The following RORB variants were observed in gnomAD, a reference collection of about 807,000 sequenced individuals.
RORB encodes the protein RAR related orphan receptor B, also known as nuclear receptor ROR-beta.
In RORB, 6 loss-of-function variants were observed where a neutral mutation model predicts 59.1. That is an observed-to-expected ratio of 0.10 (90% confidence interval 0.06 to 0.20). The LOEUF (loss-of-function observed/expected upper bound fraction) is 0.20. RORB is among the 10% of genes least tolerant of loss of function. The pLI is 1.00. For missense variants in RORB, 320 were observed against 560.5 expected (o/e 0.57, Z 4.33); for synonymous variants, 215 against 204.5 (o/e 1.05, Z -0.44).
At chr9:74,627,453 T>C (rs1823539067) in intron 1 of RORB, among the ~76,000 whole-genome samples, 1 of 152,206 alleles carries the variant, frequency 6.6e-6, no homozygotes, top group South Asian at 2.1e-4. Context: ...TGAGTCTGGA[T>C]TATAAATATG....
intron 1 of RORB, among the ~76,000 whole-genome samples, chr9:74,556,842 A>T (rs371995163): frequency 6.6e-6 from 1 of 152,106 alleles, no homozygotes; most frequent in East Asian, 1.9e-4. Flanking sequence ...TTTTCACACC[A>T]TCCTGCTATT....
At chr9:74,624,760 T>G (rs1823483086) in intron 1 of RORB, among the ~76,000 whole-genome samples, 1 of 152,106 alleles carries the variant, frequency 6.6e-6, no homozygotes, top group Non-Finnish European at 1.5e-5. Context: ...GAGATACAAT[T>G]TGGGTAGATG....
chr9:74,627,572 G>A (rs984969954), intron 1 of RORB, among the ~76,000 whole-genome samples: 1 of 152,046 alleles, frequency 6.6e-6, no homozygotes, highest in African/African-American at 2.4e-5. Flanking sequence ...ACCCCAGGGG[G>A]CAAATTATCT....
intron 1 of RORB, among the ~76,000 whole-genome samples, chr9:74,556,120 T>A (rs776162217): frequency 1.3e-5 from 2 of 152,342 alleles, no homozygotes; most frequent in Non-Finnish European, 1.5e-5. Context: ...TATAACATAA[T>A]TATTGTTAGA....
chr9:74,527,370 C>T, intron 1 of RORB, among the ~76,000 whole-genome samples: 1 of 151,870 alleles, frequency 6.6e-6, no homozygotes, highest in Non-Finnish European at 1.5e-5. Flanking sequence ...ATCAAGCAGA[C>T]AGAAAAGAGA....
intron 1 of RORB, among the ~76,000 whole-genome samples, chr9:74,592,042 T>C (rs1478176425): frequency 6.6e-6 from 1 of 152,090 alleles, no homozygotes; most frequent in African/African-American, 2.4e-5. Context: ...TTTCGCAAAA[T>C]AGGAAGTAGA....
intron 1 of RORB, among the ~76,000 whole-genome samples, chr9:74,623,357 A>C (rs1345799448): frequency 6.6e-6 from 1 of 152,100 alleles, no homozygotes; most frequent in Non-Finnish European, 1.5e-5. Context: ...ACTGGGTGTT[A>C]ATTACAGTAA....
In RORB at chr9:74,583,320, G is replaced by A. The variant is rs115259497; in HGVS notation, c.8-46962G>A. On this transcript the variant is annotated intron_variant, in intron 1 of 9. Coordinates refer to ENST00000376896, the MANE Select transcript of RORB (RefSeq NM_006914.4). ...GCACATGCCCCCAAGCACCTTCTCC[G>A]AACACCCAAACATTTCCCACAGAAA... 9.1e-3 allele frequency among the ~76,000 whole-genome samples: 1,383 copies of A among 152,122 alleles called. 13 individuals carry two copies. The highest frequency in any genetic ancestry group is 0.027 in the African/African-American group (1,114 of 41,490).
chr9:74,655,682 G>A (rs1486720539), intron 4 of RORB, among the ~76,000 whole-genome samples: 5 of 152,054 alleles, frequency 3.3e-5, no homozygotes, highest in Non-Finnish European at 7.3e-5. Context: ...TCTCTCCTTT[G>A]GCCTTTCTTT....
At chr9:74,514,152 G>T (rs1825978773) in intron 1 of RORB, among the ~76,000 whole-genome samples, 1 of 152,058 alleles carries the variant, frequency 6.6e-6, no homozygotes, top group African/African-American at 2.4e-5. Flanking sequence ...AACAGCTACT[G>T]CTTATTTCAC....
In RORB at chr9:74,643,503, G is replaced by A. The variant is rs78355280; in HGVS notation, c.637+688G>A. Among the ~76,000 whole-genome samples the A allele has an allele frequency of 9.5e-3, 1,445 of 152,286 alleles. 23 individuals are homozygous for A. Among genetic ancestry groups the A allele is most frequent in the African/African-American group, 0.031 (1,298 of 41,542 alleles). On this transcript the variant is annotated intron_variant, in intron 4 of 9. Coordinates refer to ENST00000376896, the MANE Select transcript of RORB (RefSeq NM_006914.4). The stretch of plus-strand genomic sequence containing the variant: ...CGATCTTCAAGAGTGCCCTGCCTTA[G>A]GCAAGCTCTCTTCTGACCCACTGCA...
intron 1 of RORB, among the ~76,000 whole-genome samples, chr9:74,501,228 A>G (rs1026201646): frequency 6.6e-6 from 1 of 152,322 alleles, no homozygotes; most frequent in Non-Finnish European, 1.5e-5. Context: ...TATACTTGCT[A>G]TAAACAAGGA....
At position 74,685,782 on chromosome 9, in the gene RORB, C is replaced by T. The variant is rs541584602; in HGVS notation, c.*164C>T. 5 of 443,626 alleles carry T rather than the reference C, an allele frequency of 1.1e-5. No homozygotes were observed. The highest frequency in any genetic ancestry group is 1.0e-4 in the African/African-American group (5 of 49,780). The allele number at this position is 443,626 out of a possible 1,614,324, so 27.5% of individuals were successfully genotyped here. A position where few individuals can be genotyped will look rare whatever the true frequency, so the allele number is the denominator to read the frequency against. The stretch of plus-strand genomic sequence containing the variant: ...CTACAGTTTGAAGAATGTAAATATG[C>T]ACCTGAGTGGGGCTCTTTTATTTGT... On this transcript the variant is annotated 3_prime_UTR_variant, in exon 10 of 10. Coordinates refer to ENST00000376896, the MANE Select transcript of RORB (RefSeq NM_006914.4).
At chr9:74,592,704 T>C (rs1822917119) in intron 1 of RORB, among the ~76,000 whole-genome samples, 1 of 152,140 alleles carries the variant, frequency 6.6e-6, no homozygotes, top group African/African-American at 2.4e-5. Context: ...TATCAAAATT[T>C]GGGCCATTGT....
chr9:74,613,555 G>A (rs753412361), intron 1 of RORB, among the ~76,000 whole-genome samples: 17 of 152,100 alleles, frequency 1.1e-4, no homozygotes, highest in Non-Finnish European at 2.4e-4. Flanking sequence ...AATTCCAGAT[G>A]CCTTGGCCCC....
intron 1 of RORB, among the ~76,000 whole-genome samples, chr9:74,528,404 C>T (rs559642972): frequency 6.6e-6 from 1 of 152,162 alleles, no homozygotes; most frequent in Non-Finnish European, 1.5e-5. Flanking sequence ...TCAAGTGTCT[C>T]CTAATCTCTC....
At chr9:74,597,599 T>A (rs1343676986) in intron 1 of RORB, among the ~76,000 whole-genome samples, 1 of 151,906 alleles carries the variant, frequency 6.6e-6, no homozygotes, top group East Asian at 1.9e-4. Context: ...AATTGAGATG[T>A]GGTCCAAATG....
At chr9:74,679,024 T>C (rs1824493638) in intron 9 of RORB, among the ~76,000 whole-genome samples, 1 of 127,908 alleles carries the variant, frequency 7.8e-6, no homozygotes, top group Non-Finnish European at 1.6e-5. Flanking sequence ...AGAACAAGAC[T>C]CTGTCTCAAA....
At chr9:74,547,120 G>GT (rs1478286294) in intron 1 of RORB, among the ~76,000 whole-genome samples, 19 of 152,138 alleles carry the variant, frequency 1.2e-4, no homozygotes, top group Non-Finnish European at 8.8e-5. Flanking sequence ...GGATTGTTTT[G>GT]GTTTTTTTTG....
Sources: gnomAD v4.1 joint callset for allele counts (sites outside exome capture counted in the v4.1 genomes callset) on GRCh38, gnomAD v4.1.1 for gene constraint, MANE v1.5 for transcripts, NCBI Gene and HGNC (gene_info 2026-07-23, HGNC 2026-07-21) for gene names.